The following MALRD1 variants were observed in gnomAD, a reference collection of about 807,000 sequenced individuals.
MALRD1 encodes MAM and LDL-receptor class A domain-containing protein 1.
In MALRD1, 247 loss-of-function variants were observed where a neutral mutation model predicts 242.1. That is an observed-to-expected ratio of 1.02 (90% CI 0.92 to 1.13). The LOEUF (loss-of-function observed/expected upper bound fraction) is 1.13. Ranked by LOEUF, MALRD1 falls within the 50% of genes most tolerant of loss-of-function variation. The pLI is 0.00. For missense variants in MALRD1, 2,989 were observed against 2,533.1 expected (o/e 1.18, Z -3.86); for synonymous variants, 995 against 866.6 (o/e 1.15, Z -2.60).
intron 4 of MALRD1, among the ~76,000 whole-genome samples, chr10:19,094,926 T>G (rs570507936): frequency 6.6e-6 from 1 of 152,226 alleles, no homozygotes; most frequent in Non-Finnish European, 1.5e-5. Context: ...TTATTGCCTA[T>G]TTTAACATTT....
intron 24 of MALRD1, among the ~76,000 whole-genome samples, chr10:19,340,791 G>A (rs1449765223): frequency 6.6e-6 from 1 of 152,046 alleles, no homozygotes; most frequent in Admixed American, 6.6e-5. Flanking sequence ...TTATGTCATA[G>A]CAGTGCAAAA....
chr10:19,442,884 A>G (rs558706790), intron 28 of MALRD1, among the ~76,000 whole-genome samples: 3 of 152,288 alleles, frequency 2.0e-5, no homozygotes, highest in Non-Finnish European at 2.9e-5. Flanking sequence ...GAATAGTTTC[A>G]GAAGGAATGA....
At chr10:19,717,775 G>A (rs760858213) in intron 38 of MALRD1, among the ~76,000 whole-genome samples, 53 of 151,906 alleles carry the variant, frequency 3.5e-4, no homozygotes, top group Non-Finnish European at 5.6e-4. Context: ...TCAGCACTTT[G>A]GTAGGCCAAG....
intron 31 of MALRD1, among the ~76,000 whole-genome samples, chr10:19,510,222 C>G (rs1186925020): frequency 6.6e-6 from 1 of 152,194 alleles, no homozygotes; most frequent in South Asian, 2.1e-4. Context: ...ATGGAATATA[C>G]AATCGAGTTT....
chr10:19,282,030 G>T (rs1487895534), intron 20 of MALRD1, among the ~76,000 whole-genome samples: 1 of 151,234 alleles, frequency 6.6e-6, no homozygotes, highest in Non-Finnish European at 1.5e-5. Context: ...AAATGCTAAG[G>T]GTACAATACA....
chr10:19,228,655 T>C (rs1309900207), intron 18 of MALRD1, among the ~76,000 whole-genome samples: 2 of 152,024 alleles, frequency 1.3e-5, no homozygotes, highest in Non-Finnish European at 2.9e-5. Context: ...TTGAGAAGGG[T>C]TGAAAAAAAT....
rs866674802 is a variant in MALRD1, at chr10:19,280,158, T to C, written c.3191T>C (p.Ile1064Thr). The C allele has an allele frequency of 8.0e-5, 124 of 1,545,350 alleles. No homozygotes were observed. Among genetic ancestry groups the C allele is most frequent in the Middle Eastern group, 3.4e-4 (2 of 5,958 alleles). Residue 1064 changes from isoleucine to threonine, a missense_variant, in exon 20 of 40, where the codon ATT becomes ACT. Coordinates refer to ENST00000454679, the MANE Select transcript of MALRD1 (RefSeq NM_001142308.3). ...ATCTGCAGGTCTGATGGTCACTGCATTGAAAAAATGCAGAAATGTGATTTT... is the reference window on the plus strand; with the variant it reads ...ATCTGCAGGTCTGATGGTCACTGCACTGAAAAAATGCAGAAATGTGATTTT... ...EFICRSDGHCIEKMQKCDFKY... is the reference protein window; with the variant it reads ...EFICRSDGHCTEKMQKCDFKY...
chr10:19,204,153 A>T (rs1836676737), intron 15 of MALRD1, among the ~76,000 whole-genome samples, 155 bp from the exon 16 acceptor site: 1 of 152,206 alleles, frequency 6.6e-6, no homozygotes, highest in Non-Finnish European at 1.5e-5. Context: ...AATATTTATC[A>T]GAACAAATTT....
chr10:19,066,762 T>C lies in MALRD1; in HGVS notation c.243T>C (p.His81=). 4 of 1,233,726 alleles carry C rather than the reference T, an allele frequency of 3.2e-6. No individual in the cohort carries two copies. Among genetic ancestry groups the C allele is most frequent in the Non-Finnish European group, 4.0e-6 (4 of 988,006 alleles). 76.4% of individuals were successfully genotyped at this position (1,233,726 alleles called of 1,614,324 possible). Residue 81 remains histidine (H), a synonymous_variant, in exon 2 of 40, where the codon CAT becomes CAC. Coordinates refer to ENST00000454679, the MANE Select transcript of MALRD1 (RefSeq NM_001142308.3). ...ERCDFEDGLC[H]MTQDQSLQPS... ...GTGATTTTGAGGATGGTCTCTGTCATATGACTCAAGATCAGAGTCTGCAAC... is the reference window on the plus strand; with the variant it reads ...GTGATTTTGAGGATGGTCTCTGTCACATGACTCAAGATCAGAGTCTGCAAC...
intron 32 of MALRD1, among the ~76,000 whole-genome samples, chr10:19,533,582 A>G (rs543931391): frequency 1.3e-5 from 2 of 152,312 alleles, no homozygotes; most frequent in East Asian, 3.9e-4. Flanking sequence ...GCTTCTGATG[A>G]GGGTTCAAGA....
intron 1 of MALRD1, among the ~76,000 whole-genome samples, chr10:19,050,244 C>T (rs1480797293): frequency 1.3e-5 from 2 of 150,576 alleles, no homozygotes; most frequent in Non-Finnish European, 3.0e-5. Flanking sequence ...CCCGCCACTA[C>T]GCCCGGCTAA....
chr10:19,399,932 AC>A (rs1183612441), intron 28 of MALRD1, among the ~76,000 whole-genome samples: 11 of 152,134 alleles, frequency 7.2e-5, no homozygotes, highest in Middle Eastern at 3.2e-3. Context: ...AACAAAAAAA[AC>A]TGAGCAGTTT....
chr10:19,672,681 C>G (rs1276549332), intron 36 of MALRD1, among the ~76,000 whole-genome samples: 1 of 152,084 alleles, frequency 6.6e-6, no homozygotes, highest in East Asian at 1.9e-4. Flanking sequence ...GCCTCGGCCT[C>G]CCAAAGTGCT....
At chr10:19,645,913 T>C (rs753632627) in intron 36 of MALRD1, among the ~76,000 whole-genome samples, 1 of 150,126 alleles carries the variant, frequency 6.7e-6, no homozygotes, top group Non-Finnish European at 1.5e-5. Flanking sequence ...AGTCAAATTA[T>C]TTTTTTTTAT....
At chr10:19,539,256 T>G (rs1834821965) in intron 32 of MALRD1, among the ~76,000 whole-genome samples, 1 of 152,144 alleles carries the variant, frequency 6.6e-6, no homozygotes, top group Non-Finnish European at 1.5e-5. Flanking sequence ...GCAAATGAGA[T>G]AGACAAAGCT....
intron 36 of MALRD1, among the ~76,000 whole-genome samples, chr10:19,649,151 G>C (rs1840765562): frequency 6.6e-6 from 1 of 152,140 alleles, no homozygotes; most frequent in Non-Finnish European, 1.5e-5. Flanking sequence ...TGGGCATTTA[G>C]GTGGATTCCA....
At chr10:19,183,082 C>T (rs1035637333) in intron 14 of MALRD1, among the ~76,000 whole-genome samples, 1 of 149,622 alleles carries the variant, frequency 6.7e-6, no homozygotes, top group African/African-American at 2.5e-5. Flanking sequence ...AATTAGCAAA[C>T]GACCTCCAGT....
At chr10:19,702,191 G>A (rs1222206275) in intron 38 of MALRD1, among the ~76,000 whole-genome samples, 1 of 152,172 alleles carries the variant, frequency 6.6e-6, no homozygotes, top group African/African-American at 2.4e-5. Context: ...AAAAGGAGAT[G>A]CATAGCTTTT....
intron 26 of MALRD1, among the ~76,000 whole-genome samples, chr10:19,363,537 G>C (rs1844985760): frequency 1.3e-5 from 2 of 152,164 alleles, no homozygotes; most frequent in Admixed American, 1.3e-4. Context: ...TTTGCACTGT[G>C]TGTGTCTTCC....
Sources: gnomAD v4.1 joint callset for allele counts (sites outside exome capture counted in the v4.1 genomes callset) on GRCh38, gnomAD v4.1.1 for gene constraint, MANE v1.5 for transcripts, NCBI Gene and HGNC (gene_info 2026-07-23, HGNC 2026-07-21) for gene names.